The following ZNF273 variants were observed in gnomAD, a reference collection of about 807,000 sequenced individuals.
ZNF273 encodes zinc finger protein 9.
Under a neutral mutation model 14.9 loss-of-function variants are expected in ZNF273, and 11 were observed. That is an observed-to-expected ratio of 0.74 (90% CI 0.46 to 1.22). The LOEUF (loss-of-function observed/expected upper bound fraction) is 1.22, where lower values mean the gene tolerates loss of function less well. Ranked by LOEUF, ZNF273 falls within the 50% of genes most tolerant of loss-of-function variation. The probability of loss-of-function intolerance (pLI) is 0.00; values close to 1 mark genes in which losing one functional copy is unlikely to be tolerated. For missense variants in ZNF273, 577 were observed against 660.6 expected (o/e 0.87, Z 1.39); for synonymous variants, 199 against 223.9 (o/e 0.89, Z 0.99).
intron 1 of ZNF273, among the ~76,000 whole-genome samples, chr7:64,912,827 T>TTTTGTTTTTTG (rs1562959157): frequency 2.2e-5 from 1 of 45,964 alleles, no homozygotes; most frequent in Non-Finnish European, 4.8e-5. Flanking sequence ...TTCATTTTAG[T>TTTTGTTTTTTG]TTTTTTTTTT....
downstream of ZNF273, chr7:64,889,547 C>A (rs867421972): frequency 1.4e-4 from 135 of 985,850 alleles, no homozygotes; most frequent in African/African-American, 2.2e-3. The surrounding 1 kb of genome is among the most constrained non-coding windows in gnomAD (Gnocchi z 4.2). Context: ...CGGTCCTCTA[C>A]GGTCTCCTCT....
chr7:64,916,794 T>C (rs1794032834), intron 1 of ZNF273, among the ~76,000 whole-genome samples: 1 of 151,426 alleles, frequency 6.6e-6, no homozygotes, highest in Non-Finnish European at 1.5e-5. Flanking sequence ...ATGTAACCTA[T>C]GTTACATGTT....
intron 1 of ZNF273, among the ~76,000 whole-genome samples, chr7:64,910,942 T>C (rs1337873733): frequency 6.6e-6 from 1 of 151,648 alleles, no homozygotes; most frequent in Non-Finnish European, 1.5e-5. Flanking sequence ...ATTTTTCTAT[T>C]TTTAGTAGAG....
chr7:64,907,695 ACT>A (rs759627753), intron 1 of ZNF273, among the ~76,000 whole-genome samples: 17 of 152,106 alleles, frequency 1.1e-4, no homozygotes, highest in Admixed American at 7.9e-4. Flanking sequence ...TATTCCACAA[ACT>A]CTAGAGATTT....
chr7:64,915,375 G>C (rs1583995761), intron 1 of ZNF273, among the ~76,000 whole-genome samples: 1 of 152,270 alleles, frequency 6.6e-6, no homozygotes, highest in South Asian at 2.1e-4. Flanking sequence ...ACAGCCTTCA[G>C]AGCTTAGAGC....
intron 3 of ZNF273, among the ~76,000 whole-genome samples, chr7:64,922,086 T>C (rs542764894): frequency 6.6e-6 from 1 of 152,156 alleles, no homozygotes; most frequent in East Asian, 1.9e-4. Context: ...TATTTTATGC[T>C]TTTTTCTTAA....
intron 1 of ZNF273, among the ~76,000 whole-genome samples, chr7:64,887,007 C>T (rs62455113): frequency 0.026 from 3,929 of 151,934 alleles, no homozygotes; most frequent in South Asian, 0.078. Context: ...AGGCTGGGCA[C>T]GACACCAAGA....
chr7:64,892,653 G>A (rs997420151), downstream of ZNF273, among the ~76,000 whole-genome samples: 10 of 152,206 alleles, frequency 6.6e-5, no homozygotes, highest in African/African-American at 2.4e-4. Context: ...TGCAGAGAGA[G>A]GGGTCCCAAA....
chr7:64,906,936 G>A (rs1793153076), intron 1 of ZNF273, among the ~76,000 whole-genome samples: 1 of 152,174 alleles, frequency 6.6e-6, no homozygotes, highest in Admixed American at 6.5e-5. Context: ...AGATTAGAAA[G>A]AAGGTGGGAG....
chr7:64,916,031 A>G (rs2129078286), intron 1 of ZNF273, among the ~76,000 whole-genome samples: 1 of 152,096 alleles, frequency 6.6e-6, no homozygotes, highest in South Asian at 2.1e-4. Context: ...CCTCGTCTAT[A>G]CTAAAAATAC....
rs1412417754 is a variant in ZNF273 at position 64,927,658 on chromosome 7, G to A, written c.330G>A (p.Val110=). The A allele has an allele frequency of 6.4e-7, 1 of 1,557,156 alleles. No homozygotes were observed. Among genetic ancestry groups the A allele is most frequent in the African/African-American group, 1.4e-5 (1 of 71,142 alleles). The change falls in exon 4 of 4, where the codon GTG becomes GTA. Residue 110 remains valine (V), a synonymous_variant. Transcript: ENST00000476120. ...RHAMVAKPPV[V]CSHFAQDLWP... is the part of the protein sequence containing the mutation. ...TGTTACTTTTATTTCTTTCAGTTGT[G>A]TGTTCTCATTTTGCCCAAGACCTTT...
rs1390380283 is a variant in ZNF273, at chr7:64,929,139, A to G, written c.*101A>G. On this transcript the variant is annotated 3_prime_UTR_variant, in exon 4 of 4. Transcript: ENST00000476120. ...AACTCCCAGAAGTGGAGTTTTCCTTATTGCACAGGAAAGCATTTATACTTG... is the reference window on the plus strand; with the variant it reads ...AACTCCCAGAAGTGGAGTTTTCCTTGTTGCACAGGAAAGCATTTATACTTG... 7 of 998,170 alleles carry G rather than the reference A, an allele frequency of 7.0e-6. No individual in the cohort carries two copies. In the East Asian group the frequency reaches 1.7e-4, roughly 24 times the overall value. The allele number at this position is 998,170 out of a possible 1,614,324, so 61.8% of individuals were successfully genotyped here.
chr7:64,887,487 A>G (rs182854753), intron 1 of ZNF273, among the ~76,000 whole-genome samples: 268 of 152,224 alleles, frequency 1.8e-3, no homozygotes, highest in Admixed American at 3.9e-3. Context: ...TCCATTGTGC[A>G]GTGTTTTTGT....
chr7:64,926,678 T>A (rs1447312945), intron 3 of ZNF273, among the ~76,000 whole-genome samples: 1 of 152,208 alleles, frequency 6.6e-6, no homozygotes, highest in Non-Finnish European at 1.5e-5. Context: ...GATTTGGACA[T>A]TAAAAACAAG....
In ZNF273 at chr7:64,912,590, C is replaced by T. The variant is rs77554627; in HGVS notation, c.103-4991C>T. The stretch of plus-strand genomic sequence containing the variant: ...CCAGTTATCTACTGAGTTCAGATGT[C>T]CAAGAGTTCAAGAGCATGTCCTGAG... On this transcript the variant is annotated intron_variant, in intron 1 of 3. Transcript: ENST00000476120. Among the ~76,000 whole-genome samples the T allele has an allele frequency of 9.9e-3, 1,500 of 152,086 alleles. 28 individuals carry two copies. Among genetic ancestry groups the T allele is most frequent in the African/African-American group, 0.032 (1,342 of 41,524 alleles).
chr7:64,936,456 CT>C, the ZNF273 span, among the ~76,000 whole-genome samples: 3 of 152,128 alleles, frequency 2.0e-5, no homozygotes, highest in African/African-American at 7.2e-5. Flanking sequence ...ATACTGGGAA[CT>C]GAGAATTCTG....
chr7:64,898,499 T>A (rs1792496156), upstream of ZNF273, among the ~76,000 whole-genome samples: 1 of 152,258 alleles, frequency 6.6e-6, no homozygotes, highest in Non-Finnish European at 1.5e-5. Flanking sequence ...TCAAGTGTGT[T>A]TTATGGAATT....
At chr7:64,888,417 G>C (rs917911633) in intron 1 of ZNF273, 1 of 985,578 alleles carries the variant, frequency 1.0e-6, no homozygotes, top group African/African-American at 1.7e-5. Flanking sequence ...CAGGTGACAC[G>C]GGGCTGGACA....
At chr7:64,885,359 C>G (rs7797780) in intron 1 of ZNF273, among the ~76,000 whole-genome samples, 152,319 of 152,328 alleles carry the variant, frequency 1, 76,155 homozygotes, top group Non-Finnish European at 1. Context: ...ATGGATCAGA[C>G]AGAAAACAGA....
Sources: gnomAD v4.1 joint callset for allele counts (sites outside exome capture counted in the v4.1 genomes callset) on GRCh38, gnomAD v4.1.1 for gene constraint, Gnocchi (gnomAD v3.1) non-coding constraint, MANE v1.5 for transcripts, NCBI Gene and HGNC (gene_info 2026-07-23, HGNC 2026-07-21) for gene names.